MEGF6: variants seen among roughly 807,000 people sequenced by gnomAD.
MEGF6 encodes the protein multiple epidermal growth factor-like domains protein 6.
MEGF6 carries 184 observed loss-of-function variants against 207.1 expected under a neutral mutation model. The ratio of observed to expected loss-of-function variants is 0.89; its 90% confidence interval spans 0.79 to 1.00. The LOEUF is 1.00. Among genes scored for constraint, MEGF6 ranks in the 50% least tolerant of loss-of-function variants. The probability of loss-of-function intolerance (pLI) is 0.00; values close to 1 mark genes in which losing one functional copy is unlikely to be tolerated. For synonymous variants in MEGF6, 1,038 were observed against 910.0 expected, an observed-to-expected ratio of 1.14 and a Z score of -2.53; for missense variants, 2,282 against 2,202.9, an observed-to-expected ratio of 1.04 and a Z score of -0.72.
intron 1 of MEGF6, among the ~76,000 whole-genome samples, chr1:3,605,040 GCACA>G (rs913470159): frequency 1.3e-5 from 2 of 151,690 alleles, no homozygotes; most frequent in African/African-American, 4.9e-5. Flanking sequence ...CCCAGCACCT[GCACA>G]CACACAAACA....
At chr1:3,531,598 C>T in intron 4 of MEGF6, 1 of 685,868 alleles carries the variant, frequency 1.5e-6, no homozygotes. Flanking sequence ...CTCCCGGACC[C>T]GGACGCAGAT....
In MEGF6 at chr1:3,533,015, C is replaced by T. The variant is rs543687066; in HGVS notation, c.482-8769G>A. Among the ~76,000 whole-genome samples, 7 of 152,294 alleles carry T rather than the reference C, an allele frequency of 4.6e-5. No individual in the cohort carries two copies. In the East Asian group the frequency reaches 1.4e-3, roughly 29 times the overall value. ...CCGGCAACTCAGGGAAGCAGGCGGCCCATCCCGGCAGAGCCTCCACCTTCT... is the reference window on the plus strand; with the variant it reads ...CCGGCAACTCAGGGAAGCAGGCGGCTCATCCCGGCAGAGCCTCCACCTTCT... On this transcript the variant is annotated intron_variant, in intron 4 of 36. Coordinates refer to ENST00000356575, the MANE Select transcript of MEGF6 (RefSeq NM_001409.4).
At chr1:3,610,940 C>T (rs1203825532) in intron 1 of MEGF6, among the ~76,000 whole-genome samples, 198 bp downstream of exon 1, 2 of 152,190 alleles carry the variant, frequency 1.3e-5, no homozygotes, top group Admixed American at 6.5e-5. Context: ...GGGGACACGG[C>T]GAGGGGCCCT....
In MEGF6 at chr1:3,531,593, G is replaced by A. The variant is rs1468466091; in HGVS notation, c.482-7347C>T. 28 of 708,462 alleles carry A rather than the reference G, an allele frequency of 4.0e-5. No homozygotes were observed. In the South Asian group the frequency reaches 1.2e-3, roughly 29 times the overall value. 43.9% of individuals were successfully genotyped at this position (708,462 alleles called of 1,614,324 possible). On this transcript the variant is annotated intron_variant, in intron 4 of 36. Transcript: ENST00000356575. Reference sequence around the variant, plus strand: ...CGCGCATTCCAGCGTGCGCGCTCCCGGACCCGGACGCAGATAGGGACCTAG... The same window carrying A: ...CGCGCATTCCAGCGTGCGCGCTCCCAGACCCGGACGCAGATAGGGACCTAG...
At chr1:3,598,215 G>A (rs946379105) in intron 2 of MEGF6, among the ~76,000 whole-genome samples, 2 of 152,182 alleles carry the variant, frequency 1.3e-5, no homozygotes, top group African/African-American at 2.4e-5. Flanking sequence ...TGCCGTCTCT[G>A]GGTAACAAAA....
intron 1 of MEGF6, among the ~76,000 whole-genome samples, chr1:3,604,768 C>T (rs1570246297): frequency 6.6e-6 from 1 of 152,282 alleles, no homozygotes; most frequent in African/African-American, 2.4e-5. Flanking sequence ...CCCACCTTCC[C>T]CCAGCACTGT....
chr1:3,617,858 CG>C, the MEGF6 span, among the ~76,000 whole-genome samples: 2 of 152,136 alleles, frequency 1.3e-5, no homozygotes, highest in East Asian at 3.9e-4. Context: ...CAAGGGGAAC[CG>C]GGGGTTGCTG....
At chr1:3,546,981 G>T in intron 4 of MEGF6, 1 of 184,460 alleles carries the variant, frequency 5.4e-6, no homozygotes, top group Non-Finnish European at 1.1e-5. Context: ...GTGGCAGTGG[G>T]CTGGGCCATG....
At chr1:3,612,140 T>C (rs1016127385), upstream of MEGF6, among the ~76,000 whole-genome samples, 18 of 152,234 alleles carry the variant, frequency 1.2e-4, no homozygotes, top group African/African-American at 4.3e-4. Flanking sequence ...ACACCCCTGC[T>C]TCGGGGACCT....
rs1447918454 is a variant in MEGF6, at chr1:3,505,417, C to G, written c.2053+5G>C. 1.2e-6 allele frequency: 2 copies of G among 1,603,916 alleles called. No homozygotes were observed. Among genetic ancestry groups the G allele is most frequent in the African/African-American group, 2.7e-5 (2 of 74,044 alleles). On this transcript the variant is annotated splice_donor_5th_base_variant and intron_variant, in intron 16 of 36. Coordinates refer to ENST00000356575, the MANE Select transcript of MEGF6 (RefSeq NM_001409.4). The stretch of plus-strand genomic sequence containing the variant: ...CCCGCCCCCAGACCCCATGCCTGGA[C>G]TCACCTGCCTGACAGCGCTCGCCCC...
the MEGF6 span, chr1:3,624,780 G>A: frequency 5.2e-6 from 1 of 193,558 alleles, no homozygotes; most frequent in African/African-American, 2.3e-5. Context: ...GCCCCTTCTC[G>A]TTGTGTAAAC....
chr1:3,554,913 G>C (rs1642990301), intron 4 of MEGF6, among the ~76,000 whole-genome samples: 2 of 152,350 alleles, frequency 1.3e-5, no homozygotes, highest in Admixed American at 6.5e-5. Context: ...CAGTGTGGAG[G>C]CTAGGGCCAC....
Position 3,524,196 on chromosome 1 carries a change from T to C in MEGF6, c.532A>G (p.Asn178Asp), listed in dbSNP as rs1473884707. The C allele has an allele frequency of 1.9e-6, 3 of 1,612,926 alleles. No homozygotes were observed. Among genetic ancestry groups the C allele is most frequent in the Admixed American group, 1.7e-5 (1 of 60,030 alleles). ...TCACAGAGGTAGGAGCCTGGGGTGT[T>C]CACGCACCGGTGCTGGCAGCCACCG... ...HNGGCQHRCV[N>D]TPGSYLCECK... Residue 178 changes from asparagine to aspartate, a missense_variant, in exon 5 of 37, where the codon AAC becomes GAC. Physicochemically the swap from Asn to Asp is conservative, Grantham distance 23. Transcript: ENST00000356575.
At chr1:3,524,544 G>A (rs942594854) in intron 4 of MEGF6, among the ~76,000 whole-genome samples, 6 of 152,224 alleles carry the variant, frequency 3.9e-5, no homozygotes, top group Admixed American at 1.3e-4. Context: ...AGACTGAACC[G>A]GGAGCGCACG....
chr1:3,505,683 TC>T, intron 15 of MEGF6, 127 bp from the exon 16 acceptor site: 1 of 1,239,284 alleles, frequency 8.1e-7, no homozygotes, highest in Non-Finnish European at 1.1e-6. Flanking sequence ...CCTCCACCTC[TC>T]CCCCTGCAGC....
At chr1:3,513,899 C>A (rs1641442692) in intron 7 of MEGF6, among the ~76,000 whole-genome samples, 1 of 151,466 alleles carries the variant, frequency 6.6e-6, no homozygotes, top group Admixed American at 6.6e-5. Context: ...GCTCATTTCT[C>A]CTTTTCTCTT....
At chr1:3,601,734 T>C (rs926666024) in intron 2 of MEGF6, among the ~76,000 whole-genome samples, 1 of 152,212 alleles carries the variant, frequency 6.6e-6, no homozygotes, top group African/African-American at 2.4e-5. Context: ...CACATCTGAA[T>C]TGCGCAGCAA....
At chr1:3,502,143 C>T (rs900618996) in intron 17 of MEGF6, among the ~76,000 whole-genome samples, 12 of 20,514 alleles carry the variant, frequency 5.8e-4, no homozygotes, top group Non-Finnish European at 2.0e-4. Flanking sequence ...GGCTGCTGAG[C>T]ACACCTGGGG....
chr1:3,567,684 G>A (rs1389961425), intron 4 of MEGF6, among the ~76,000 whole-genome samples: 3 of 152,176 alleles, frequency 2.0e-5, no homozygotes, highest in Non-Finnish European at 4.4e-5. Context: ...GAGCACCTGC[G>A]ACCCAGAGCG....
Sources: gnomAD v4.1 joint callset for allele counts (sites outside exome capture counted in the v4.1 genomes callset) on GRCh38, gnomAD v4.1.1 for gene constraint, MANE v1.5 for transcripts, NCBI Gene and HGNC (gene_info 2026-07-23, HGNC 2026-07-21) for gene names.